The following MYO3B variants were observed in gnomAD, a reference collection of about 807,000 sequenced individuals.
The protein encoded by MYO3B is myosin IIIB.
In MYO3B, 156 loss-of-function variants were observed where a neutral mutation model predicts 174.6. The ratio of observed to expected loss-of-function variants is 0.89; its 90% confidence interval spans 0.78 to 1.02. The LOEUF (loss-of-function observed/expected upper bound fraction) is 1.02. MYO3B is among the 50% of genes least tolerant of loss of function. MYO3B has a pLI of 0.00. For missense variants in MYO3B, 1,632 were observed against 1,639.4 expected (o/e 1.00, Z 0.08); for synonymous variants, 563 against 569.1 (o/e 0.99, Z 0.15).
At chr2:170,253,064 T>A (rs1246709984) in intron 7 of MYO3B, among the ~76,000 whole-genome samples, 2 of 152,202 alleles carry the variant, frequency 1.3e-5, no homozygotes, top group Admixed American at 6.5e-5. Context: ...AAAAGTAACA[T>A]GAATTAGCTT....
intron 7 of MYO3B, among the ~76,000 whole-genome samples, chr2:170,329,298 A>T (rs78425554): frequency 2.6e-4 from 40 of 152,046 alleles, no homozygotes; most frequent in African/African-American, 9.4e-4. Context: ...CTACAAATTC[A>T]TGTAATAAAA....
intron 1 of MYO3B, among the ~76,000 whole-genome samples, chr2:170,183,610 A>T (rs2092429861): frequency 6.6e-6 from 1 of 152,296 alleles, no homozygotes; most frequent in African/African-American, 2.4e-5. Context: ...TTGATTTTCC[A>T]GGAATAAATC....
intron 3 of MYO3B, among the ~76,000 whole-genome samples, chr2:170,209,093 G>C (rs1221889660): frequency 1.3e-5 from 2 of 152,194 alleles, no homozygotes; most frequent in Admixed American, 6.5e-5. Flanking sequence ...TAGCAGCTCT[G>C]CAAGTCGAGC....
intron 6 of MYO3B, among the ~76,000 whole-genome samples, chr2:170,231,001 A>G (rs1175132568): frequency 2.0e-5 from 3 of 152,204 alleles, no homozygotes; most frequent in Admixed American, 2.0e-4. Flanking sequence ...TTCGTGACCC[A>G]AGAGCTGCTG....
chr2:170,640,428 A>T (rs1697873161), intron 32 of MYO3B: 1 of 152,200 alleles, frequency 6.6e-6, no homozygotes, highest in Admixed American at 6.5e-5. Flanking sequence ...GAAGGCCTCT[A>T]ATAAGTGCTG....
At chr2:170,651,821 G>GGGGGGGGGCCCC in intron 33 of MYO3B, 87 bp downstream of exon 33, 1 of 1,089,326 alleles carries the variant, frequency 9.2e-7, no homozygotes. Context: ...AGCCCCTGCA[G>GGGGGGGGGCCCC]CCCCACCCCC....
At chr2:170,185,503 A>G (rs1017064512) in intron 1 of MYO3B, among the ~76,000 whole-genome samples, 3 of 152,092 alleles carry the variant, frequency 2.0e-5, no homozygotes, top group East Asian at 1.9e-4. Flanking sequence ...ATTGGTCTAT[A>G]TAACTGTTTT....
chr2:170,483,375 C>CTT (rs61527598), intron 25 of MYO3B, among the ~76,000 whole-genome samples: 829 of 62,118 alleles, frequency 0.013, 147 homozygotes, highest in African/African-American at 0.016. Flanking sequence ...CTTGGGGATT[C>CTT]TTTTTTTTTT....
intron 22 of MYO3B, among the ~76,000 whole-genome samples, chr2:170,434,726 T>C (rs553564552): frequency 6.6e-6 from 1 of 152,314 alleles, no homozygotes; most frequent in African/African-American, 2.4e-5. Context: ...ACTGACATAT[T>C]CTTTGAAAAG....
At chr2:170,465,341 T>G (rs1561392) in intron 24 of MYO3B, among the ~76,000 whole-genome samples, 4 of 151,950 alleles carry the variant, frequency 2.6e-5, no homozygotes, top group Admixed American at 2.0e-4. Flanking sequence ...GAGAACAAGA[T>G]AGAGGGGAGA....
At chr2:170,626,920 G>A (rs1559173761) in intron 32 of MYO3B, among the ~76,000 whole-genome samples, 1 of 152,314 alleles carries the variant, frequency 6.6e-6, no homozygotes, top group East Asian at 1.9e-4. Context: ...GAGATCCACT[G>A]TTAGTCTGAT....
At chr2:170,211,485 GTTA>G (rs1300109896) in intron 3 of MYO3B, among the ~76,000 whole-genome samples, 3 of 152,154 alleles carry the variant, frequency 2.0e-5, no homozygotes, top group Non-Finnish European at 4.4e-5. Flanking sequence ...CTCACTTAAG[GTTA>G]TTATTTCACT....
chr2:170,539,083 A>G (rs767459390), intron 30 of MYO3B, among the ~76,000 whole-genome samples: 1 of 152,236 alleles, frequency 6.6e-6, no homozygotes, highest in African/African-American at 2.4e-5. Flanking sequence ...TATCCAGGCC[A>G]GGATCCGATC....
intron 26 of MYO3B, 137 bp from the exon 27 acceptor site, chr2:170,499,509 T>C (rs1032695268): frequency 1.3e-6 from 1 of 773,248 alleles, no homozygotes; most frequent in Non-Finnish European, 2.0e-6. Flanking sequence ...ATGAAGTCAG[T>C]AATGTGAGCA....
intron 8 of MYO3B, among the ~76,000 whole-genome samples, chr2:170,366,505 G>C (rs191937777): frequency 3.6e-4 from 55 of 151,918 alleles, no homozygotes; most frequent in African/African-American, 1.2e-3. Context: ...TGTTGCTCAG[G>C]CTTCTCTTGA....
chr2:170,234,316 G>T (rs1018565525), intron 6 of MYO3B, among the ~76,000 whole-genome samples: 1 of 152,160 alleles, frequency 6.6e-6, no homozygotes, highest in Non-Finnish European at 1.5e-5. Flanking sequence ...TAGAGGCTGG[G>T]AAGCCTAAGG....
chr2:170,634,516 G>C (rs991059001), intron 32 of MYO3B, among the ~76,000 whole-genome samples: 14 of 152,174 alleles, frequency 9.2e-5, no homozygotes, highest in African/African-American at 2.6e-4. Context: ...CATAAAAACT[G>C]TAGAAGAAAA....
Position 170,214,735 on chromosome 2 carries a change from C to G in MYO3B, c.433C>G (p.Gln145Glu). 6.2e-7 allele frequency: 1 copy of G among 1,613,950 alleles called. No homozygotes were observed. Among genetic ancestry groups the G allele is most frequent in the East Asian group, 2.2e-5 (1 of 44,880 alleles). The change falls in exon 5 of 35, where the codon CAG becomes GAG. Residue 145 changes from glutamine (Q) to glutamate (E), a missense_variant. Coordinates refer to ENST00000408978, the MANE Select transcript of MYO3B (RefSeq NM_138995.5). Reference sequence around the variant, plus strand: ...GTGGTGGGATGCCATGCAGGGCCTTCAGCATTTGCACAACAACCGAATCAT... The same window carrying G: ...GTGGTGGGATGCCATGCAGGGCCTTGAGCATTTGCACAACAACCGAATCAT... ...YILYGALLGL[Q>E]HLHNNRIIHR...
intron 25 of MYO3B, among the ~76,000 whole-genome samples, chr2:170,477,534 C>G (rs1339680514): frequency 6.6e-6 from 1 of 152,006 alleles, no homozygotes; most frequent in South Asian, 2.1e-4. Flanking sequence ...ATGGAGGACT[C>G]TATTAATCAG....
Sources: gnomAD v4.1 joint callset for allele counts (sites outside exome capture counted in the v4.1 genomes callset) on GRCh38, gnomAD v4.1.1 for gene constraint, MANE v1.5 for transcripts, NCBI Gene and HGNC (gene_info 2026-07-23, HGNC 2026-07-21) for gene names.